The following AKAP13 variants were observed in gnomAD, a reference collection of about 807,000 sequenced individuals.
AKAP13 encodes A-kinase anchor protein 13.
AKAP13 carries 80 observed loss-of-function variants against 264.5 expected under a neutral mutation model. The ratio of observed to expected loss-of-function variants is 0.30; its 90% CI spans 0.25 to 0.36. The LOEUF (loss-of-function observed/expected upper bound fraction) is 0.36, where lower values mean the gene tolerates loss of function less well. AKAP13 is among the 10% of genes least tolerant of loss of function. The probability of loss-of-function intolerance (pLI) is 1.00; values close to 1 mark genes in which losing one functional copy is unlikely to be tolerated. For synonymous variants in AKAP13, 1,380 were observed against 1,250.2 expected, an observed-to-expected ratio of 1.10 and a Z score of -2.19; for missense variants, 3,712 against 3,435.2, an observed-to-expected ratio of 1.08 and a Z score of -2.01.
chr15:85,497,726 T>C (rs190109481), intron 2 of AKAP13, among the ~76,000 whole-genome samples: 189 of 152,338 alleles, frequency 1.2e-3, no homozygotes, highest in South Asian at 4.8e-3. Flanking sequence ...GTGGCTACCA[T>C]ACTGATTGCA....
At chr15:85,738,254 T>C (rs184493920) in intron 33 of AKAP13, among the ~76,000 whole-genome samples, 2,323 of 151,510 alleles carry the variant, frequency 0.015, 60 homozygotes, top group African/African-American at 0.051. Context: ...TAGCCAGGCA[T>C]GGTGGTGGAC....
chr15:85,679,676 C>G (rs1020555463), intron 14 of AKAP13, among the ~76,000 whole-genome samples: 1 of 152,156 alleles, frequency 6.6e-6, no homozygotes, highest in Admixed American at 6.5e-5. Flanking sequence ...TCAACTGTGT[C>G]CATCCAGTAG....
Position 85,477,637 on chromosome 15 carries a change from GAA to G in AKAP13, c.-11-8053_-11-8052del, listed in dbSNP as rs1309806715. Among the ~76,000 whole-genome samples the G allele has an allele frequency of 3.4e-3, 171 of 49,758 alleles. 1 individual carries two copies. Among genetic ancestry groups the G allele is most frequent in the Middle Eastern group, 0.013 (1 of 80 alleles). The allele number at this position is 49,758 out of a possible 152,430, so 32.6% of individuals were successfully genotyped here. A position where few individuals can be genotyped will look rare whatever the true frequency, so the allele number is the denominator to read the frequency against. On this transcript the variant is annotated intron_variant, in intron 1 of 36. Coordinates refer to ENST00000394518, the MANE Select transcript of AKAP13 (RefSeq NM_007200.5). The stretch of plus-strand genomic sequence containing the variant: ...AAATTTGAACTGAGCTTAAAAAAAG[GAA>G]AAAAAAAAAAAAAAAAAAAGGCAGA...
At chr15:85,693,612 A>T (rs555708363) in intron 17 of AKAP13, among the ~76,000 whole-genome samples, 161 bp downstream of exon 17, 46 of 152,178 alleles carry the variant, frequency 3.0e-4, no homozygotes, top group Non-Finnish European at 5.9e-4. Context: ...GAAATTCTAG[A>T]TGTATAACAT....
rs769879931 is a variant in AKAP13 at position 85,580,524 on chromosome 15, A to G, written c.2456A>G (p.His819Arg). Reference protein sequence around the residue: ...KEKGTATPELHTATDYRDGPD... With the variant: ...KEKGTATPELRTATDYRDGPD... ...AAGGGAACAGCAACTCCTGAACTAC[A>G]TACAGCTACAGATTATAGAGATGGC... The change falls in exon 7 of 37, where the codon CAT becomes CGT. Residue 819 changes from histidine to arginine, a missense_variant. His to Arg is a conservative substitution (Grantham distance 29). This residue lies in a region of AKAP13 where 2,759 missense variants were observed against 2,411.7 expected (regional missense o/e 1.14). Coordinates refer to ENST00000394518, the MANE Select transcript of AKAP13 (RefSeq NM_007200.5). 1 of 1,614,224 alleles carries G rather than the reference A, an allele frequency of 6.2e-7. No individual in the cohort carries two copies. The highest frequency in any genetic ancestry group is 1.1e-5 in the South Asian group (1 of 91,086).
At chr15:85,684,116 T>G (rs2084764746) in intron 15 of AKAP13, among the ~76,000 whole-genome samples, 1 of 152,238 alleles carries the variant, frequency 6.6e-6, no homozygotes, top group East Asian at 1.9e-4. Flanking sequence ...CCTGTCATTC[T>G]GCTACATATA....
At chr15:85,447,712 A>T (rs907918142) in intron 1 of AKAP13, among the ~76,000 whole-genome samples, 23 of 152,164 alleles carry the variant, frequency 1.5e-4, no homozygotes, top group African/African-American at 5.5e-4. Context: ...CATTCTTTTT[A>T]ATGGCTATGT....
chr15:85,514,996 A>G (rs534312485), intron 2 of AKAP13, among the ~76,000 whole-genome samples: 1 of 137,686 alleles, frequency 7.3e-6, no homozygotes, highest in East Asian at 2.0e-4. Context: ...CAGACTGGGA[A>G]ATAAATTTGG....
chr15:85,398,484 A>T (rs1331356637), intron 1 of AKAP13, among the ~76,000 whole-genome samples: 1 of 152,198 alleles, frequency 6.6e-6, no homozygotes, highest in African/African-American at 2.4e-5. Context: ...GACTAGCCAT[A>T]TGTGGCGTAT....
chr15:85,482,750 A>C (rs2075389969), intron 1 of AKAP13, among the ~76,000 whole-genome samples: 1 of 152,212 alleles, frequency 6.6e-6, no homozygotes, highest in South Asian at 2.1e-4. Flanking sequence ...AGTGGGGATT[A>C]AATGTAATAT....
intron 15 of AKAP13, among the ~76,000 whole-genome samples, chr15:85,683,854 G>A (rs2084747118): frequency 6.6e-6 from 1 of 152,102 alleles, no homozygotes; most frequent in Non-Finnish European, 1.5e-5. Context: ...ATTTTATGTA[G>A]GTTTCTTGAA....
intron 1 of AKAP13, among the ~76,000 whole-genome samples, chr15:85,414,849 A>G (rs2072160294): frequency 2.6e-5 from 4 of 152,258 alleles, no homozygotes; most frequent in Non-Finnish European, 5.9e-5. Flanking sequence ...TTAAAGAAGT[A>G]TATGACTGGA....
intron 6 of AKAP13, among the ~76,000 whole-genome samples, chr15:85,576,283 A>G (rs528662056): frequency 6.6e-6 from 1 of 152,336 alleles, no homozygotes; most frequent in South Asian, 2.1e-4. Context: ...ACAAGAACCA[A>G]ATTTAATCAG....
At chr15:85,677,647 G>GTT (rs71891857) in intron 14 of AKAP13, among the ~76,000 whole-genome samples, 9 of 136,700 alleles carry the variant, frequency 6.6e-5, no homozygotes, top group African/African-American at 1.6e-4. Flanking sequence ...TGTGTGTTGT[G>GTT]TTTTTTTTTT....
chr15:85,521,646 A>T, intron 3 of AKAP13, 71 bp downstream of exon 3: 1 of 1,512,130 alleles, frequency 6.6e-7, no homozygotes, highest in South Asian at 1.3e-5. Flanking sequence ...GTTTATGAGT[A>T]TAGAGTGACA....
At chr15:85,483,926 C>A (rs2075439242) in intron 1 of AKAP13, among the ~76,000 whole-genome samples, 1 of 152,136 alleles carries the variant, frequency 6.6e-6, no homozygotes. Flanking sequence ...AATTCTTCTT[C>A]TTCCAGCGTG....
chr15:85,416,508 G>A (rs943453014), intron 1 of AKAP13, among the ~76,000 whole-genome samples: 5 of 152,160 alleles, frequency 3.3e-5, no homozygotes, highest in African/African-American at 1.2e-4. Context: ...GACATGACTG[G>A]TAGCTACGAT....
intron 35 of AKAP13, 49 bp from the exon 36 acceptor site, chr15:85,743,443 C>A: frequency 6.4e-7 from 1 of 1,562,804 alleles, no homozygotes; most frequent in Non-Finnish European, 8.7e-7. Context: ...GTTGGCATCA[C>A]GGACGCTGAC....
At chr15:85,714,320 G>C (rs1031648243) in intron 19 of AKAP13, among the ~76,000 whole-genome samples, 1 of 152,170 alleles carries the variant, frequency 6.6e-6, no homozygotes, top group African/African-American at 2.4e-5. Flanking sequence ...AGAAAAGAAG[G>C]GTTGGTCTTG....
Sources: allele counts gnomAD v4.1 joint callset (sites outside exome capture counted in the v4.1 genomes callset), GRCh38; gene constraint gnomAD v4.1.1; regional missense constraint gnomAD v4.1.1; transcripts MANE v1.5; gene names NCBI Gene and HGNC (gene_info 2026-07-23, HGNC 2026-07-21).